Variants in ZNF384 observed in about 807,000 individuals in gnomAD.
ZNF384 encodes CAG repeat protein 1.
In ZNF384, 20 loss-of-function variants were observed where a neutral mutation model predicts 65.0. The observed-to-expected ratio is 0.31, with a 90% confidence interval of 0.22 to 0.45. ZNF384 has a LOEUF of 0.45. ZNF384 is among the 20% of genes least tolerant of loss of function. The probability of loss-of-function intolerance (pLI) is 1.00; values close to 1 mark genes in which losing one functional copy is unlikely to be tolerated. For missense variants in ZNF384, 549 were observed against 769.4 expected (o/e 0.71, Z 3.39); for synonymous variants, 310 against 303.9 (o/e 1.02, Z -0.21).
intron 11 of ZNF384, 89 bp downstream of exon 11, chr12:6,668,942 C>T: frequency 7.0e-7 from 1 of 1,421,382 alleles, no homozygotes; most frequent in South Asian, 1.4e-5. Flanking sequence ...AGGGTATTCA[C>T]TGCAACAGAT....
At position 6,670,908 on chromosome 12, in the gene ZNF384, T is replaced by A; in HGVS notation, c.1188-70A>T. 2.1e-6 allele frequency: 3 copies of A among 1,411,020 alleles called. No homozygotes were observed. In the South Asian group the frequency reaches 3.5e-5, roughly 16 times the overall value. 87.4% of individuals were successfully genotyped at this position (1,411,020 alleles called of 1,614,324 possible). A position where few individuals can be genotyped will look rare whatever the true frequency, so the allele number is the denominator to read the frequency against. ...ATTTAGGAACTGGCTCAACAAATCTTCTCCAGGCCCATCCTGCTCTCCTAA... is the reference window on the plus strand; with the variant it reads ...ATTTAGGAACTGGCTCAACAAATCTACTCCAGGCCCATCCTGCTCTCCTAA... On this transcript the variant is annotated intron_variant, in intron 9 of 11. Transcript: ENST00000683879.
intron 2 of ZNF384, among the ~76,000 whole-genome samples, chr12:6,683,911 G>T (rs1565444664): frequency 6.6e-6 from 1 of 152,112 alleles, no homozygotes; most frequent in Non-Finnish European, 1.5e-5. Context: ...CAGCTATTCA[G>T]GAGGCTGAGA....
intron 9 of ZNF384, among the ~76,000 whole-genome samples, chr12:6,671,252 C>T (rs1384682874): frequency 6.6e-6 from 1 of 152,202 alleles, no homozygotes; most frequent in African/African-American, 2.4e-5. Context: ...CAGCCTTGAG[C>T]ATCACTTCCA....
At chr12:6,675,496 C>T (rs1953145553) in intron 7 of ZNF384, among the ~76,000 whole-genome samples, 1 of 152,190 alleles carries the variant, frequency 6.6e-6, no homozygotes, top group African/African-American at 2.4e-5. Flanking sequence ...CCAAGGAGAT[C>T]ATTAAAATAT....
At chr12:6,676,647 TG>T (rs1953730059) in intron 7 of ZNF384, among the ~76,000 whole-genome samples, 1 of 152,232 alleles carries the variant, frequency 6.6e-6, no homozygotes, top group Admixed American at 6.5e-5. Context: ...TGTATATAGA[TG>T]TATCTCCATC....
rs1037647195 is a variant in ZNF384 at position 6,673,903 on chromosome 12, T to C, written c.780-463A>G. On this transcript the variant is annotated intron_variant, in intron 7 of 11. Transcript: ENST00000683879. The surrounding 1 kb of genome is among the most constrained non-coding windows in gnomAD (Gnocchi z 4.7). ...CTGGATCCTCTCCTGTCTCCATAGA[T>C]AATTTTCTTCCCTCAGATTTTCCCC... 7.2e-5 allele frequency among the ~76,000 whole-genome samples: 11 copies of C among 152,160 alleles called. No individual in the cohort carries two copies. Among genetic ancestry groups the C allele is most frequent in the African/African-American group, 2.4e-4 (10 of 41,432 alleles).
chr12:6,679,309 C>T, intron 3 of ZNF384, 126 bp from the exon 4 acceptor site: 2 of 1,229,474 alleles, frequency 1.6e-6, no homozygotes, highest in Non-Finnish European at 2.3e-6. Context: ...TACCTCTGGC[C>T]TTCTAGAGAG....
In ZNF384 at chr12:6,673,853, C is replaced by T. The variant is rs766980483; in HGVS notation, c.780-413G>A. On this transcript the variant is annotated intron_variant, in intron 7 of 11. Transcript: ENST00000683879. This position sits in a 1 kb window ranked among gnomAD's most constrained non-coding sequence, Gnocchi z 4.7. ...CATGCCTCTGTATTCCTCAAGACCC[C>T]GAGATGATAATGAGGAACAACTAAC... 6.6e-6 allele frequency among the ~76,000 whole-genome samples: 1 copy of T among 152,110 alleles called. No individual in the cohort carries two copies. Among genetic ancestry groups the T allele is most frequent in the Admixed American group, 6.5e-5 (1 of 15,272 alleles).
Position 6,667,461 on chromosome 12 carries a change from GC to G in ZNF384, c.*252del. On this transcript the variant is annotated 3_prime_UTR_variant, in exon 12 of 12. Transcript: ENST00000683879. ...TGAGCACCGACCCCCAGTTTTAGAA[GC>G]TTTGCTTGGGAGGGGAGGCTGCTGG... 1.7e-6 allele frequency: 1 copy of G among 598,540 alleles called. No individual in the cohort carries two copies. Among genetic ancestry groups the G allele is most frequent in the Non-Finnish European group, 3.0e-6 (1 of 335,908 alleles). The allele number at this position is 598,540 out of a possible 1,614,324, so 37.1% of individuals were successfully genotyped here. A position where few individuals can be genotyped will look rare whatever the true frequency, so the allele number is the denominator to read the frequency against.
At chr12:6,680,924 A>G (rs565819947) in intron 2 of ZNF384, among the ~76,000 whole-genome samples, 2 of 152,012 alleles carry the variant, frequency 1.3e-5, no homozygotes, top group South Asian at 4.1e-4. Context: ...TTTCTCAAAA[A>G]CTGTGCTTCC....
intron 2 of ZNF384, among the ~76,000 whole-genome samples, chr12:6,682,060 C>T (rs1263190721): frequency 1.4e-5 from 2 of 146,242 alleles, no homozygotes; most frequent in African/African-American, 2.6e-5. Flanking sequence ...GGCAGGCCTA[C>T]GCAGGAGGAT....
intron 1 of ZNF384, 100 bp from the exon 2 acceptor site, chr12:6,688,326 G>T (rs893203458): frequency 6.6e-6 from 1 of 152,570 alleles, no homozygotes; most frequent in Admixed American, 6.5e-5. Context: ...CAGTCTGGAA[G>T]GCAGGCAGAC....
chr12:6,687,045 G>C (rs764923387), intron 2 of ZNF384, among the ~76,000 whole-genome samples: 2 of 152,154 alleles, frequency 1.3e-5, no homozygotes, highest in Non-Finnish European at 2.9e-5. Flanking sequence ...AAGAAACACA[G>C]AGAAAGTTTT....
At chr12:6,680,146 G>A (rs1200089990) in intron 2 of ZNF384, among the ~76,000 whole-genome samples, 1 of 152,124 alleles carries the variant, frequency 6.6e-6, no homozygotes, top group Non-Finnish European at 1.5e-5. Flanking sequence ...TTTCTTTAAA[G>A]TAGAGACACG....
At chr12:6,685,773 T>A in intron 2 of ZNF384, among the ~76,000 whole-genome samples, 2 of 100,052 alleles carry the variant, frequency 2.0e-5, no homozygotes, top group African/African-American at 5.0e-5. Flanking sequence ...CGAGACTCAG[T>A]CTCAAAAAAA....
At chr12:6,686,681 A>G (rs1958030923) in intron 2 of ZNF384, among the ~76,000 whole-genome samples, 1 of 152,238 alleles carries the variant, frequency 6.6e-6, no homozygotes, top group African/African-American at 2.4e-5. Context: ...GCCTGTATAA[A>G]TAAGTTTGTA....
intron 2 of ZNF384, among the ~76,000 whole-genome samples, chr12:6,681,781 T>C (rs1205203586): frequency 1.3e-5 from 2 of 152,106 alleles, no homozygotes; most frequent in African/African-American, 2.4e-5. Flanking sequence ...TTTCATAAAA[T>C]CTATAAAGGG....
At chr12:6,670,503 G>A (rs1193603870) in intron 10 of ZNF384, among the ~76,000 whole-genome samples, 1 of 152,068 alleles carries the variant, frequency 6.6e-6, no homozygotes, top group East Asian at 1.9e-4. Flanking sequence ...GAGGGTCTTG[G>A]AATATGTTAT....
In ZNF384 at chr12:6,673,452, G is replaced by A; in HGVS notation, c.780-12C>T. Reference sequence around the variant, plus strand: ...AGCACATCCGGCACCTGAGCCAAGTGAGGGCAATGGTTAGAACCCTTCCCA... The same window carrying A: ...AGCACATCCGGCACCTGAGCCAAGTAAGGGCAATGGTTAGAACCCTTCCCA... On this transcript the variant is annotated splice_polypyrimidine_tract_variant and intron_variant, in intron 7 of 11. Transcript: ENST00000683879. The surrounding 1 kb of genome is among the most constrained non-coding windows in gnomAD (Gnocchi z 4.7). The A allele has an allele frequency of 6.2e-7, 1 of 1,612,632 alleles. No homozygotes were observed. Among genetic ancestry groups the A allele is most frequent in the Non-Finnish European group, 8.5e-7 (1 of 1,179,080 alleles).
Sources: allele counts gnomAD v4.1 joint callset (sites outside exome capture counted in the v4.1 genomes callset), GRCh38; gene constraint gnomAD v4.1.1; non-coding constraint Gnocchi (gnomAD v3.1); transcripts MANE v1.5; gene names NCBI Gene and HGNC (gene_info 2026-07-23, HGNC 2026-07-21).